ZFPM2: variants seen among roughly 807,000 people sequenced by gnomAD.
The protein encoded by ZFPM2 is zinc finger protein, FOG family member 2.
Under a neutral mutation model 98.6 loss-of-function variants are expected in ZFPM2, and 20 were observed. The observed-to-expected ratio is 0.20, with a 90% CI of 0.14 to 0.29. The LOEUF (loss-of-function observed/expected upper bound fraction) is 0.29. Ranked by LOEUF, ZFPM2 falls within the 10% of genes least tolerant of loss-of-function variation. The pLI, the probability that ZFPM2 is intolerant of heterozygous loss-of-function variation, is 1.00. For missense variants in ZFPM2, 1,310 were observed against 1,388.6 expected, an observed-to-expected ratio of 0.94 and a Z score of 0.90; for synonymous variants, 518 against 502.7, an observed-to-expected ratio of 1.03 and a Z score of -0.41.
chr8:105,341,118 G>A (rs768196750), intron 1 of ZFPM2, among the ~76,000 whole-genome samples: 29 of 152,000 alleles, frequency 1.9e-4, no homozygotes, highest in Admixed American at 4.6e-4. Flanking sequence ...AGATGTGTCA[G>A]AAATGGAGTT....
At chr8:105,687,137 C>T (rs1451752926) in intron 5 of ZFPM2, among the ~76,000 whole-genome samples, 1 of 152,184 alleles carries the variant, frequency 6.6e-6, no homozygotes, top group Non-Finnish European at 1.5e-5. Context: ...TGGTGCTCAA[C>T]ATGACTGTGG....
chr8:105,382,016 C>G (rs1670385535), intron 1 of ZFPM2, among the ~76,000 whole-genome samples: 1 of 152,072 alleles, frequency 6.6e-6, no homozygotes, highest in Non-Finnish European at 1.5e-5. Context: ...GAAAGACTTG[C>G]TAAAAACAAT....
chr8:105,447,752 A>T, intron 3 of ZFPM2, among the ~76,000 whole-genome samples: 1 of 152,036 alleles, frequency 6.6e-6, no homozygotes, highest in East Asian at 1.9e-4. Context: ...ATGGATCAGG[A>T]TTTATCTTTT....
intron 3 of ZFPM2, among the ~76,000 whole-genome samples, chr8:105,522,650 A>T (rs1209680429): frequency 2.0e-5 from 3 of 152,118 alleles, no homozygotes. Context: ...CACACCTGTA[A>T]TCCCAGCTTA....
In ZFPM2 at chr8:105,501,111, A is replaced by G. The variant is rs115604618; in HGVS notation, c.301+56730A>G. ...AGTGCCCAACCCTTAGAGTTTTCCT[A>G]TTTCTTTTGAAAGGTGTTCTGGTAA... On this transcript the variant is annotated intron_variant, in intron 3 of 7. Coordinates refer to ENST00000407775, the MANE Select transcript of ZFPM2 (RefSeq NM_012082.4). Among the ~76,000 whole-genome samples, 531 of 151,376 alleles carry G rather than the reference A, an allele frequency of 3.5e-3. 4 individuals carry two copies. Among genetic ancestry groups the G allele is most frequent in the African/African-American group, 0.012 (498 of 41,228 alleles).
chr8:105,335,064 G>T (rs1285992436), intron 1 of ZFPM2, among the ~76,000 whole-genome samples: 1 of 151,702 alleles, frequency 6.6e-6, no homozygotes, highest in Non-Finnish European at 1.5e-5. Context: ...TGACAGAGTG[G>T]AAAGAAAATT....
intron 3 of ZFPM2, among the ~76,000 whole-genome samples, chr8:105,532,954 T>C (rs913879254): frequency 6.6e-6 from 1 of 152,158 alleles, no homozygotes; most frequent in African/African-American, 2.4e-5. Context: ...GCAGGGAATG[T>C]CTGTATCACT....
intron 5 of ZFPM2, among the ~76,000 whole-genome samples, chr8:105,660,489 G>A (rs556116232): frequency 6.6e-6 from 1 of 152,264 alleles, no homozygotes; most frequent in Admixed American, 6.5e-5. Context: ...GACAATAATG[G>A]TAAAAGGAAG....
intron 5 of ZFPM2, among the ~76,000 whole-genome samples, chr8:105,671,894 A>G (rs1199367819): frequency 6.6e-6 from 1 of 152,132 alleles, no homozygotes; most frequent in Non-Finnish European, 1.5e-5. Flanking sequence ...TACAGAATTG[A>G]AAGCAAAGCA....
chr8:105,340,764 C>T (rs1812414056), intron 1 of ZFPM2, among the ~76,000 whole-genome samples: 1 of 151,914 alleles, frequency 6.6e-6, no homozygotes, highest in Non-Finnish European at 1.5e-5. Context: ...TCTGCTTTCA[C>T]AGAACGTACA....
At chr8:105,452,538 A>G (rs1428020063) in intron 3 of ZFPM2, among the ~76,000 whole-genome samples, 1 of 152,070 alleles carries the variant, frequency 6.6e-6, no homozygotes, top group Non-Finnish European at 1.5e-5. Flanking sequence ...TCTTGAGCCC[A>G]GAAGTTTGAG....
chr8:105,670,963 T>A (rs1325695065), intron 5 of ZFPM2, among the ~76,000 whole-genome samples: 1 of 152,154 alleles, frequency 6.6e-6, no homozygotes, highest in Non-Finnish European at 1.5e-5. Flanking sequence ...ATATACTATA[T>A]ATGGAAAGGC....
At chr8:105,759,143 G>A (rs146662952) in intron 5 of ZFPM2, among the ~76,000 whole-genome samples, 15 of 152,114 alleles carry the variant, frequency 9.9e-5, no homozygotes, top group Non-Finnish European at 1.5e-4. Context: ...TTGCCTAATC[G>A]TGGCAGTTAT....
intron 4 of ZFPM2, among the ~76,000 whole-genome samples, chr8:105,588,027 C>T (rs578170892): frequency 6.6e-6 from 1 of 152,252 alleles, no homozygotes; most frequent in Non-Finnish European, 1.5e-5. Context: ...CTATGTACTA[C>T]ACTTGTTTTT....
intron 2 of ZFPM2, among the ~76,000 whole-genome samples, chr8:105,435,003 C>T (rs16873050): frequency 0.25 from 38,414 of 152,020 alleles, 5,081 homozygotes; most frequent in Admixed American, 0.32. Flanking sequence ...CGAGTGGAGC[C>T]ACTGCTTTTA....
At position 105,802,297 on chromosome 8, in the gene ZFPM2, A is replaced by T; in HGVS notation, c.2215A>T (p.Arg739Ter). The part of the protein sequence containing the change: ...MQRTMRTRKR[R>*]KMYEMCLPEQ... ...GAGAACCATGCGCACACGCAAGCGC[A>T]GAAAGATGTATGAGATGTGCCTACC... Residue 739 changes from arginine (R) to a stop codon, truncating the protein, a stop_gained, in exon 8 of 8, where the codon AGA (arginine) becomes TGA (stop). Coordinates refer to ENST00000407775, the MANE Select transcript of ZFPM2 (RefSeq NM_012082.4). LOFTEE classifies it high-confidence loss of function. 1 of 1,613,846 alleles carries T rather than the reference A, an allele frequency of 6.2e-7. No homozygotes were observed.
At chr8:105,503,199 A>T (rs1409295604) in intron 3 of ZFPM2, among the ~76,000 whole-genome samples, 1 of 152,216 alleles carries the variant, frequency 6.6e-6, no homozygotes, top group African/African-American at 2.4e-5. Flanking sequence ...GGATTCTGAA[A>T]GGCCCCCTGG....
intron 4 of ZFPM2, among the ~76,000 whole-genome samples, chr8:105,615,123 G>A (rs1411820165): frequency 6.6e-6 from 1 of 151,762 alleles, no homozygotes; most frequent in African/African-American, 2.4e-5. Context: ...GGAGGGAAGG[G>A]TACTATCTAC....
intron 4 of ZFPM2, among the ~76,000 whole-genome samples, chr8:105,588,337 A>C (rs547812479): frequency 1.3e-5 from 2 of 152,296 alleles, no homozygotes; most frequent in Non-Finnish European, 2.9e-5. Context: ...GAAAAGAAAG[A>C]ATTTCTATGG....
Sources: allele counts gnomAD v4.1 joint callset (sites outside exome capture counted in the v4.1 genomes callset), GRCh38; gene constraint gnomAD v4.1.1; transcripts MANE v1.5; gene names NCBI Gene and HGNC (gene_info 2026-07-23, HGNC 2026-07-21).